Variants in CCBE1 observed in about 807,000 individuals in gnomAD.
The protein encoded by CCBE1 is collagen and calcium binding EGF domains 1, also known as collagen and calcium-binding EGF domain-containing protein 1.
In CCBE1, 37 loss-of-function variants were observed where a neutral mutation model predicts 50.0. That is an observed-to-expected ratio of 0.74 (90% CI 0.57 to 0.97). CCBE1 has a LOEUF of 0.97. Among genes scored for constraint, CCBE1 ranks in the 50% least tolerant of loss-of-function variants. The pLI, the probability that CCBE1 is intolerant of heterozygous loss-of-function variation, is 0.00. For missense variants in CCBE1, 538 were observed against 523.8 expected (o/e 1.03, Z -0.26); for synonymous variants, 234 against 203.7 (o/e 1.15, Z -1.27).
intron 2 of CCBE1, among the ~76,000 whole-genome samples, chr18:59,640,045 A>T (rs1422784781): frequency 6.6e-6 from 1 of 152,218 alleles, no homozygotes; most frequent in Non-Finnish European, 1.5e-5. Context: ...AGTATCATTA[A>T]AATGGCCATA....
intron 5 of CCBE1, among the ~76,000 whole-genome samples, chr18:59,461,180 C>T (rs147335727): frequency 0.016 from 2,467 of 152,136 alleles, 39 homozygotes; most frequent in Admixed American, 0.054. Context: ...ACTTTGGTTC[C>T]GCATTACTTC....
intron 2 of CCBE1, among the ~76,000 whole-genome samples, chr18:59,606,695 T>G (rs1286132595): frequency 2.0e-5 from 3 of 152,164 alleles, no homozygotes; most frequent in Non-Finnish European, 1.5e-5. Flanking sequence ...TTACCCCTGC[T>G]GTTTTAGAAG....
At chr18:59,643,376 A>G (rs2043037) in intron 2 of CCBE1, among the ~76,000 whole-genome samples, 57,176 of 152,046 alleles carry the variant, frequency 0.38, 11,084 homozygotes, top group East Asian at 0.6. Flanking sequence ...GTTTTTGAAA[A>G]GCAACTGTTT....
intron 2 of CCBE1, among the ~76,000 whole-genome samples, chr18:59,540,650 G>A (rs2144380254): frequency 6.6e-6 from 1 of 152,276 alleles, no homozygotes; most frequent in African/African-American, 2.4e-5. Context: ...TGTGTTGCAA[G>A]ATTTTATGTC....
chr18:59,675,542 A>T (rs1206251727), intron 2 of CCBE1, among the ~76,000 whole-genome samples: 1 of 152,194 alleles, frequency 6.6e-6, no homozygotes, highest in East Asian at 1.9e-4. Flanking sequence ...TTTTCTACAA[A>T]GCCAAGGAAG....
chr18:59,616,480 T>G (rs1402837725), intron 2 of CCBE1, among the ~76,000 whole-genome samples: 3 of 152,174 alleles, frequency 2.0e-5, no homozygotes, highest in African/African-American at 7.2e-5. Context: ...GCCGCCCCTT[T>G]CCCTTCTCAG....
intron 2 of CCBE1, among the ~76,000 whole-genome samples, chr18:59,491,983 T>G (rs1414598005): frequency 2.7e-5 from 4 of 147,640 alleles, no homozygotes; most frequent in Non-Finnish European, 6.0e-5. Context: ...CTGTCTCTAC[T>G]AAAATACAAA....
At chr18:59,612,335 A>T (rs1356825374) in intron 2 of CCBE1, among the ~76,000 whole-genome samples, 1 of 149,826 alleles carries the variant, frequency 6.7e-6, no homozygotes, top group African/African-American at 2.5e-5. Flanking sequence ...AAAAAGAAAA[A>T]AAAAAAAACA....
chr18:59,668,047 A>C (rs776160406), intron 2 of CCBE1, among the ~76,000 whole-genome samples: 11 of 152,198 alleles, frequency 7.2e-5, no homozygotes, highest in Non-Finnish European at 1.0e-4. Context: ...TGATGGGTGC[A>C]GCAAACCACC....
rs1198649659 is a variant in CCBE1 at position 59,433,608 on chromosome 18, TA to T, written c.*2299del. 3 of 49,208 alleles carry T rather than the reference TA, an allele frequency of 6.1e-5. No individual in the cohort carries two copies. The highest frequency in any genetic ancestry group is 3.7e-4 in the Admixed American group (2 of 5,394). 3.0% of individuals were successfully genotyped at this position (49,208 alleles called of 1,614,324 possible). A position where few individuals can be genotyped will look rare whatever the true frequency, so the allele number is the denominator to read the frequency against. Reference sequence around the variant, plus strand: ...TGGCATTCAAACACAACAAAAGGGATATTTTTTTTTTTTTGAGACAGAGTCT... The same window carrying T: ...TGGCATTCAAACACAACAAAAGGGATTTTTTTTTTTTTTGAGACAGAGTCT... On this transcript the variant is annotated 3_prime_UTR_variant, in exon 11 of 11. Transcript: ENST00000439986.
intron 2 of CCBE1, among the ~76,000 whole-genome samples, chr18:59,558,947 G>T (rs1249370244): frequency 6.6e-6 from 1 of 152,218 alleles, no homozygotes; most frequent in Non-Finnish European, 1.5e-5. Flanking sequence ...GGCCCCCTAA[G>T]TGCTCTTTCT....
intron 10 of CCBE1, 50 bp downstream of exon 10, chr18:59,438,061 C>T: frequency 3.1e-6 from 5 of 1,601,854 alleles, no homozygotes; most frequent in Non-Finnish European, 2.6e-6. Context: ...ATCAGAGCTG[C>T]ATCCCTGAGA....
rs771823200 is a variant in CCBE1, at chr18:59,696,611, C to T, written c.212+18G>A. The T allele has an allele frequency of 1.9e-5, 31 of 1,613,324 alleles. No individual in the cohort carries two copies. The Admixed American group carries it at 5.2e-4, about 27-fold the overall frequency. On this transcript the variant is annotated intron_variant, in intron 2 of 10. Transcript: ENST00000439986. ...CCGGTGCGCAGTGGCGAACAGCCCGCAGAGCCCCCAGGCTTACCTGTAGCA... is the reference window on the plus strand; with the variant it reads ...CCGGTGCGCAGTGGCGAACAGCCCGTAGAGCCCCCAGGCTTACCTGTAGCA...
chr18:59,634,382 A>AC (rs747719466), intron 2 of CCBE1, among the ~76,000 whole-genome samples: 21 of 152,236 alleles, frequency 1.4e-4, no homozygotes, highest in Non-Finnish European at 2.6e-4. Flanking sequence ...TAAATGCATG[A>AC]CCTGCGATCC....
intron 2 of CCBE1, among the ~76,000 whole-genome samples, chr18:59,620,214 C>T (rs1181002670): frequency 2.0e-5 from 3 of 152,186 alleles, no homozygotes; most frequent in Non-Finnish European, 4.4e-5. Flanking sequence ...TCTCCCTTCA[C>T]CTCTGACCTC....
At chr18:59,657,280 G>A (rs1232750733) in intron 2 of CCBE1, among the ~76,000 whole-genome samples, 2 of 152,200 alleles carry the variant, frequency 1.3e-5, no homozygotes, top group African/African-American at 2.4e-5. Flanking sequence ...TGCCCAGGAC[G>A]GAGAGGTGGT....
chr18:59,627,838 A>G (rs748797187), intron 2 of CCBE1, among the ~76,000 whole-genome samples: 2 of 152,148 alleles, frequency 1.3e-5, no homozygotes, highest in Non-Finnish European at 2.9e-5. Context: ...TTAAGACACA[A>G]TTTGTTGCCT....
chr18:59,689,185 CT>C (rs2054696663), intron 2 of CCBE1, among the ~76,000 whole-genome samples: 1 of 152,224 alleles, frequency 6.6e-6, no homozygotes, highest in South Asian at 2.1e-4. Context: ...CCCCCTGTAT[CT>C]CCCACCAGTT....
At chr18:59,445,179 A>G (rs756736289) in intron 7 of CCBE1, among the ~76,000 whole-genome samples, 2 of 152,104 alleles carry the variant, frequency 1.3e-5, no homozygotes, top group Non-Finnish European at 2.9e-5. Flanking sequence ...GGGGTCTTAC[A>G]TTTCACTCTT....
Sources: allele counts gnomAD v4.1 joint callset (sites outside exome capture counted in the v4.1 genomes callset), GRCh38; gene constraint gnomAD v4.1.1; transcripts MANE v1.5; gene names NCBI Gene and HGNC (gene_info 2026-07-23, HGNC 2026-07-21).